Variants in SLC1A2 observed in about 807,000 individuals in gnomAD.
The protein encoded by SLC1A2 is solute carrier family 1 member 2, also known as excitatory amino acid transporter 2.
A neutral mutation model predicts 48.8 loss-of-function variants in SLC1A2; 15 were observed. That is an observed-to-expected ratio of 0.31 (90% CI 0.21 to 0.47). The LOEUF (loss-of-function observed/expected upper bound fraction) is 0.47, where lower values mean the gene tolerates loss of function less well. Among genes scored for constraint, SLC1A2 ranks in the 20% least tolerant of loss-of-function variants. The pLI is 0.99. For missense variants in SLC1A2, 502 were observed against 730.5 expected, an observed-to-expected ratio of 0.69 and a Z score of 3.61; for synonymous variants, 279 against 272.6, an observed-to-expected ratio of 1.02 and a Z score of -0.23.
At chr11:35,261,993 A>C (rs1039382068) in intron 10 of SLC1A2, 2 of 349,884 alleles carry the variant, frequency 5.7e-6, no homozygotes, top group Non-Finnish European at 1.0e-5. Flanking sequence ...ACTGCTCCAC[A>C]TGCAGTTATT....
At chr11:35,317,173 AACT>A in intron 2 of SLC1A2, 1 of 528,922 alleles carries the variant, frequency 1.9e-6, no homozygotes, top group East Asian at 2.8e-5. Context: ...AAAATTTAAG[AACT>A]ACTAGAATCC....
intron 1 of SLC1A2, among the ~76,000 whole-genome samples, chr11:35,369,235 G>T (rs1046457146): frequency 1.3e-5 from 2 of 152,150 alleles, no homozygotes; most frequent in Non-Finnish European, 2.9e-5. Context: ...AGAGACTGGG[G>T]GCTCTAGAGA....
chr11:35,341,224 C>G (rs763708365), intron 1 of SLC1A2, among the ~76,000 whole-genome samples: 1 of 151,980 alleles, frequency 6.6e-6, no homozygotes, highest in Non-Finnish European at 1.5e-5. Flanking sequence ...GGTCCCAGGC[C>G]GGAGAGGTAG....
intron 9 of SLC1A2, among the ~76,000 whole-genome samples, chr11:35,279,592 CTT>C (rs1349744929): frequency 6.6e-6 from 1 of 152,160 alleles, no homozygotes; most frequent in East Asian, 1.9e-4. Context: ...ACCTGAGAAA[CTT>C]TTACCTATTG....
At chr11:35,384,896 T>G (rs774072160) in intron 1 of SLC1A2, among the ~76,000 whole-genome samples, 35 of 151,932 alleles carry the variant, frequency 2.3e-4, no homozygotes, top group Non-Finnish European at 3.7e-4. Flanking sequence ...TCTCAGAGTC[T>G]CAGTGCAAGA....
At chr11:35,350,935 T>C (rs1297237077) in intron 1 of SLC1A2, among the ~76,000 whole-genome samples, 1 of 152,184 alleles carries the variant, frequency 6.6e-6, no homozygotes, top group African/African-American at 2.4e-5. Flanking sequence ...AACATATTAA[T>C]ACTAAAAGCC....
intron 5 of SLC1A2, among the ~76,000 whole-genome samples, chr11:35,303,365 G>C (rs1456082772): frequency 6.6e-6 from 1 of 151,820 alleles, no homozygotes; most frequent in Non-Finnish European, 1.5e-5. Context: ...TCCTCTTTTT[G>C]CTCTCAGCTA....
intron 1 of SLC1A2, among the ~76,000 whole-genome samples, chr11:35,376,236 G>A (rs551699329): frequency 2.7e-5 from 4 of 150,704 alleles, no homozygotes; most frequent in Admixed American, 6.6e-5. Context: ...ATCATGAAAA[G>A]ACATGGAAAG....
chr11:35,294,585 T>G (rs1413093202), intron 6 of SLC1A2, among the ~76,000 whole-genome samples: 3 of 152,182 alleles, frequency 2.0e-5, no homozygotes, highest in African/African-American at 7.2e-5. Context: ...GATCAATTCT[T>G]TCCCAAGCAC....
intron 1 of SLC1A2, among the ~76,000 whole-genome samples, chr11:35,345,309 G>T (rs1224491151): frequency 1.3e-5 from 2 of 151,942 alleles, no homozygotes; most frequent in Non-Finnish European, 2.9e-5. Flanking sequence ...ACCCAGCCTT[G>T]TCTTCCCTCC....
rs980878522 is a variant in SLC1A2 at position 35,317,427 on chromosome 11, C to T, written c.107G>A (p.Arg36His). ...ATTCTTCCCCAGCTTGTCACACAGG[C>T]GCAGGCCCAGGTGCCGGTGCTTGGG... ...EEPKHRHLGLRLCDKLGKNLL... is the reference protein window; with the variant it reads ...EEPKHRHLGLHLCDKLGKNLL... The change falls in exon 2 of 11, where the codon CGC (arginine) becomes CAC (histidine). Residue 36 changes from arginine to histidine, a missense_variant. Around this residue, in one of 4 missense-constraint regions of SLC1A2, gnomAD observed 89 missense variants for 119.7 expected, o/e 0.74. Coordinates refer to ENST00000278379, the MANE Select transcript of SLC1A2 (RefSeq NM_004171.4). 9 of 1,614,046 alleles carry T rather than the reference C, an allele frequency of 5.6e-6. No individual in the cohort carries two copies. Among genetic ancestry groups the T allele is most frequent in the African/African-American group, 1.3e-5 (1 of 74,936 alleles).
At chr11:35,337,542 T>G (rs1033788416) in intron 1 of SLC1A2, among the ~76,000 whole-genome samples, 1 of 152,064 alleles carries the variant, frequency 6.6e-6, no homozygotes, top group African/African-American at 2.4e-5. Context: ...GATCCAAAAC[T>G]CAAGGAATAT....
intron 6 of SLC1A2, among the ~76,000 whole-genome samples, chr11:35,294,975 T>C (rs929965010): frequency 8.5e-5 from 13 of 152,220 alleles, no homozygotes; most frequent in Admixed American, 3.9e-4. Context: ...TAGAAGAAGG[T>C]AAGAACGTTT....
At chr11:35,394,834 C>T (rs931558480) in intron 1 of SLC1A2, among the ~76,000 whole-genome samples, 2 of 152,226 alleles carry the variant, frequency 1.3e-5, no homozygotes, top group African/African-American at 2.4e-5. Flanking sequence ...GGTCAAGGCA[C>T]AATAAAGACA....
At chr11:35,373,443 G>A (rs1407173569) in intron 1 of SLC1A2, among the ~76,000 whole-genome samples, 1 of 152,196 alleles carries the variant, frequency 6.6e-6, no homozygotes, top group Non-Finnish European at 1.5e-5. Flanking sequence ...CAGGAACCAA[G>A]CAAAGGGCTG....
chr11:35,261,856 C>A, intron 10 of SLC1A2: 1 of 397,134 alleles, frequency 2.5e-6, no homozygotes, highest in African/African-American at 2.1e-5. Context: ...TGACCACATA[C>A]AACATGCTAG....
At chr11:35,286,506 T>A (rs1850823870) in intron 8 of SLC1A2, 1 of 322,588 alleles carries the variant, frequency 3.1e-6, no homozygotes. Flanking sequence ...ATCACAGGAT[T>A]GCTAAAAATC....
intron 6 of SLC1A2, among the ~76,000 whole-genome samples, chr11:35,295,230 AT>A (rs1851135397): frequency 6.6e-6 from 1 of 151,658 alleles, no homozygotes; most frequent in Non-Finnish European, 1.5e-5. Context: ...GTTTATTTTT[AT>A]TTTTGTAGGA....
intron 1 of SLC1A2, among the ~76,000 whole-genome samples, chr11:35,414,156 G>T (rs1855542248): frequency 6.6e-6 from 1 of 151,986 alleles, no homozygotes; most frequent in Admixed American, 6.5e-5. Flanking sequence ...AGCCAACAGT[G>T]GTCATATCTG....
Sources: gnomAD v4.1 joint callset for allele counts (sites outside exome capture counted in the v4.1 genomes callset) on GRCh38, gnomAD v4.1.1 for gene constraint, gnomAD v4.1.1 regional missense constraint, MANE v1.5 for transcripts, NCBI Gene and HGNC (gene_info 2026-07-23, HGNC 2026-07-21) for gene names.